Variants in DSCAM observed in about 807,000 individuals in gnomAD.
DSCAM encodes the protein cell adhesion molecule DSCAM.
A neutral mutation model predicts 217.7 loss-of-function variants in DSCAM; 47 were observed. The ratio of observed to expected loss-of-function variants is 0.22; its 90% CI spans 0.17 to 0.28. DSCAM has a LOEUF of 0.28. Ranked by LOEUF, DSCAM falls within the 10% of genes least tolerant of loss-of-function variation. The probability of loss-of-function intolerance (pLI) is 1.00; values close to 1 mark genes in which losing one functional copy is unlikely to be tolerated. For missense variants in DSCAM, 2,080 were observed against 2,618.3 expected (o/e 0.79, Z 4.49); for synonymous variants, 1,056 against 1,015.3 (o/e 1.04, Z -0.76).
At position 40,834,409 on chromosome 21, in the gene DSCAM, AAATAATAATAATAATAAAAT is replaced by A. The variant is rs1452832110; in HGVS notation, c.43+12190_43+12209del. On this transcript the variant is annotated intron_variant, in intron 1 of 32. Transcript: ENST00000400454. ...GCGACAGAGTGAGACTCTGTCTCCAAAATAATAATAATAATAAAATAATAATAATAATAATAATAATAATA... is the reference window on the plus strand; with the variant it reads ...GCGACAGAGTGAGACTCTGTCTCCAAAATAATAATAATAATAATAATAATA... Among the ~76,000 whole-genome samples, 6 of 130,874 alleles carry A rather than the reference AAATAATAATAATAATAAAAT, an allele frequency of 4.6e-5. No individual in the cohort carries two copies. The East Asian group carries it at 1.3e-3, about 29-fold the overall frequency. The allele number at this position is 130,874 out of a possible 152,430, so 85.9% of individuals were successfully genotyped here. A position where few individuals can be genotyped will look rare whatever the true frequency, so the allele number is the denominator to read the frequency against.
intron 3 of DSCAM, among the ~76,000 whole-genome samples, chr21:40,376,581 ATATATCTTATATC>A: frequency 1.4e-5 from 1 of 70,090 alleles, no homozygotes; most frequent in Middle Eastern, 8.5e-3. Flanking sequence ...ATCGATATCT[ATATATCTTATATC>A]GATATCTATA....
intron 28 of DSCAM, among the ~76,000 whole-genome samples, chr21:40,058,422 T>C (rs914648536): frequency 2.6e-5 from 4 of 152,198 alleles, no homozygotes; most frequent in Non-Finnish European, 2.9e-5. Context: ...ATTTATCTTA[T>C]CCATTATCTG....
chr21:40,345,279 A>C (rs1004669027), intron 6 of DSCAM, among the ~76,000 whole-genome samples: 2 of 152,124 alleles, frequency 1.3e-5, no homozygotes, highest in Non-Finnish European at 2.9e-5. Flanking sequence ...CTTTGGGTGC[A>C]GAGTCCTGTT....
intron 4 of DSCAM, among the ~76,000 whole-genome samples, chr21:40,356,186 A>T (rs1233406394): frequency 1.3e-5 from 2 of 152,148 alleles, no homozygotes; most frequent in African/African-American, 4.8e-5. Flanking sequence ...AAAAGGGTAC[A>T]AAGCTTCAGT....
At chr21:40,104,397 T>G (rs1341392517) in intron 20 of DSCAM, among the ~76,000 whole-genome samples, 1 of 152,218 alleles carries the variant, frequency 6.6e-6, no homozygotes, top group African/African-American at 2.4e-5. Context: ...AAAGCCAATT[T>G]ATTTCCTTAA....
At chr21:40,380,646 G>A (rs1044086650) in intron 3 of DSCAM, among the ~76,000 whole-genome samples, 2 of 152,148 alleles carry the variant, frequency 1.3e-5, no homozygotes, top group Non-Finnish European at 2.9e-5. Flanking sequence ...AGCCACAGAA[G>A]GTAGGAAGAT....
At chr21:40,580,009 T>G (rs1344277251) in intron 3 of DSCAM, among the ~76,000 whole-genome samples, 1 of 152,014 alleles carries the variant, frequency 6.6e-6, no homozygotes, top group Non-Finnish European at 1.5e-5. Flanking sequence ...TCACTTCAGA[T>G]CATCCACCAG....
chr21:40,498,698 G>T (rs10222165), intron 3 of DSCAM, among the ~76,000 whole-genome samples: 2,786 of 8,074 alleles, frequency 0.35, 589 homozygotes, highest in East Asian at 0.53. Flanking sequence ...TATATATATA[G>T]ATATATATAT....
chr21:40,265,107 C>T (rs188945554), intron 11 of DSCAM, among the ~76,000 whole-genome samples: 5 of 151,774 alleles, frequency 3.3e-5, no homozygotes, highest in Non-Finnish European at 5.9e-5. Context: ...GCAGGAGAAC[C>T]GCCTGAACCA....
At chr21:40,307,706 G>A (rs1375582571) in intron 9 of DSCAM, among the ~76,000 whole-genome samples, 1 of 152,094 alleles carries the variant, frequency 6.6e-6, no homozygotes, top group Non-Finnish European at 1.5e-5. Context: ...GTGATAGACT[G>A]GATTAAGAAA....
intron 3 of DSCAM, among the ~76,000 whole-genome samples, chr21:40,432,842 T>C (rs1279916353): frequency 6.6e-6 from 1 of 152,130 alleles, no homozygotes; most frequent in Non-Finnish European, 1.5e-5. Flanking sequence ...GGTGAAGTCA[T>C]GTGCCCAGGT....
At chr21:40,416,248 T>A (rs564969737) in intron 3 of DSCAM, among the ~76,000 whole-genome samples, 21 of 152,312 alleles carry the variant, frequency 1.4e-4, no homozygotes, top group African/African-American at 4.8e-4. Context: ...CCATCCTGCA[T>A]TGGTTTCTCC....
chr21:40,613,303 G>C (rs987504848), intron 3 of DSCAM, among the ~76,000 whole-genome samples: 2 of 152,034 alleles, frequency 1.3e-5, no homozygotes, highest in African/African-American at 4.8e-5. Context: ...CATTCCATTG[G>C]GTACATTTGT....
chr21:40,078,160 TTG>T (rs905958467), intron 26 of DSCAM, among the ~76,000 whole-genome samples: 2 of 152,224 alleles, frequency 1.3e-5, no homozygotes, highest in African/African-American at 4.8e-5. Context: ...GTGTGTGAGT[TTG>T]TGTGTGTGCA....
At chr21:40,566,201 C>T (rs1254837323) in intron 3 of DSCAM, among the ~76,000 whole-genome samples, 1 of 152,064 alleles carries the variant, frequency 6.6e-6, no homozygotes, top group Non-Finnish European at 1.5e-5. Flanking sequence ...AGCTTTGGCA[C>T]TGTTGACGCT....
At chr21:40,052,799 T>C (rs774420057) in intron 29 of DSCAM, among the ~76,000 whole-genome samples, 34 of 152,132 alleles carry the variant, frequency 2.2e-4, no homozygotes, top group Non-Finnish European at 4.4e-4. Flanking sequence ...CGTGGGCACT[T>C]GAAGGTGAGC....
At chr21:40,213,321 C>A (rs2091203632) in intron 11 of DSCAM, among the ~76,000 whole-genome samples, 1 of 152,118 alleles carries the variant, frequency 6.6e-6, no homozygotes, top group Non-Finnish European at 1.5e-5. Context: ...TGTGAGTGAG[C>A]CATGGGGTGA....
At chr21:40,517,641 C>A (rs1156591370) in intron 3 of DSCAM, among the ~76,000 whole-genome samples, 1 of 152,114 alleles carries the variant, frequency 6.6e-6, no homozygotes, top group Non-Finnish European at 1.5e-5. Context: ...GGAACTTCAA[C>A]AAAACCATGA....
chr21:40,317,472 CTTTT>C (rs999550112), intron 8 of DSCAM, among the ~76,000 whole-genome samples: 1 of 152,086 alleles, frequency 6.6e-6, no homozygotes, highest in Non-Finnish European at 1.5e-5. Flanking sequence ...TCAAGTTTAT[CTTTT>C]TTATTTCCCA....
Sources: gnomAD v4.1 joint callset for allele counts (sites outside exome capture counted in the v4.1 genomes callset) on GRCh38, gnomAD v4.1.1 for gene constraint, MANE v1.5 for transcripts, NCBI Gene and HGNC (gene_info 2026-07-23, HGNC 2026-07-21) for gene names.